CCDC180: variants seen among roughly 807,000 people sequenced by gnomAD.
CCDC180 encodes coiled-coil domain containing 180, also known as coiled-coil domain-containing protein 180.
A neutral mutation model predicts 209.2 loss-of-function variants in CCDC180; 154 were observed. That is an observed-to-expected ratio of 0.74 (90% CI 0.65 to 0.84). The LOEUF (loss-of-function observed/expected upper bound fraction) is 0.84, where lower values mean the gene tolerates loss of function less well. Among genes scored for constraint, CCDC180 ranks in the 40% least tolerant of loss-of-function variants. The pLI is 0.00. For synonymous variants in CCDC180, 778 were observed against 749.1 expected, an observed-to-expected ratio of 1.04 and a Z score of -0.63; for missense variants, 1,874 against 1,997.3, an observed-to-expected ratio of 0.94 and a Z score of 1.18.
In CCDC180 at chr9:97,317,234, T is replaced by G. The variant is rs1216144227; in HGVS notation, c.959+6T>G. 6.4e-7 allele frequency: 1 copy of G among 1,573,790 alleles called. No individual in the cohort carries two copies. Among genetic ancestry groups the G allele is most frequent in the Admixed American group, 1.7e-5 (1 of 57,700 alleles). On this transcript the variant is annotated splice_donor_region_variant and intron_variant, in intron 9 of 36. Coordinates refer to ENST00000529487, the MANE Select transcript of CCDC180 (RefSeq NM_020893.6). ...GCCCTGCTGCAGAGTTTCAGGTCAG[T>G]GCCGCCCACACAGCTCCTTCTCCAG...
chr9:97,314,258 T>C (rs1384583433), intron 5 of CCDC180, 135 bp from the exon 6 acceptor site: 1 of 1,037,858 alleles, frequency 9.6e-7, no homozygotes, highest in Non-Finnish European at 1.4e-6. Context: ...GTAGTGAGCC[T>C]CAACTCGTTA....
In CCDC180 at chr9:97,317,238, G is replaced by C. The variant is rs752462262; in HGVS notation, c.959+10G>C. On this transcript the variant is annotated intron_variant, in intron 9 of 36. Coordinates refer to ENST00000529487, the MANE Select transcript of CCDC180 (RefSeq NM_020893.6). ...TGCTGCAGAGTTTCAGGTCAGTGCC[G>C]CCCACACAGCTCCTTCTCCAGCCCA... 3 of 1,554,442 alleles carry C rather than the reference G, an allele frequency of 1.9e-6. No homozygotes were observed. The highest frequency in any genetic ancestry group is 8.8e-7 in the Non-Finnish European group (1 of 1,140,678).
At position 97,377,101 on chromosome 9, in the gene CCDC180, AG is replaced by A. The variant is rs1400553558; in HGVS notation, c.*211del. ...TTCCCATGAGGAAGGCAAGCATGAAAGGGGAATTCCACGTGGTTAGCAGGGA... is the reference window on the plus strand; with the variant it reads ...TTCCCATGAGGAAGGCAAGCATGAAAGGGAATTCCACGTGGTTAGCAGGGA... On this transcript the variant is annotated 3_prime_UTR_variant, in exon 37 of 37. Transcript: ENST00000529487. 3.2e-5 allele frequency: 14 copies of A among 435,690 alleles called. No individual in the cohort carries two copies. The highest frequency in any genetic ancestry group is 1.5e-4 in the South Asian group (4 of 26,294). The allele number at this position is 435,690 out of a possible 1,614,324, so 27.0% of individuals were successfully genotyped here.
intron 20 of CCDC180, among the ~76,000 whole-genome samples, chr9:97,348,807 C>T (rs1302863025): frequency 6.6e-6 from 1 of 152,182 alleles, no homozygotes; most frequent in East Asian, 1.9e-4. Context: ...TCAGCCCTCC[C>T]CAACACCCCC....
rs1356559866 is a variant in CCDC180 at position 97,325,116 on chromosome 9, G to A, written c.1469G>A (p.Ser490Asn). The A allele has an allele frequency of 6.2e-7, 1 of 1,613,462 alleles. No homozygotes were observed. Among genetic ancestry groups the A allele is most frequent in the Non-Finnish European group, 8.5e-7 (1 of 1,179,846 alleles). ...EVVQLWEAHQ[S>N]ELLVQELELE... The stretch of plus-strand genomic sequence containing the variant: ...GTACAACTGTGGGAGGCACACCAGA[G>A]CGAGCTGTTGGTGCAGGAGCTGGAG... Residue 490 changes from serine to asparagine, a missense_variant, in exon 14 of 37, where the codon AGC becomes AAC. Physicochemically the swap from Ser to Asn is conservative, Grantham distance 46. Coordinates refer to ENST00000529487, the MANE Select transcript of CCDC180 (RefSeq NM_020893.6).
chr9:97,313,324 G>T lies in CCDC180; in HGVS notation c.438G>T (p.Glu146Asp). ...AGAGCGCTCTGGCCAGCTTTCAGGAGGAGATTGCGCAGGTGGGAAAGGTGA... is the reference window on the plus strand; with the variant it reads ...AGAGCGCTCTGGCCAGCTTTCAGGATGAGATTGCGCAGGTGGGAAAGGTGA... ...SYESALASFQ[E>D]EIAQVGKEME... The change falls in exon 5 of 37, where the codon GAG (glutamate) becomes GAT (aspartate). Residue 146 changes from glutamate to aspartate, a missense_variant. Glu to Asp is a conservative substitution (Grantham distance 45). Transcript: ENST00000529487. 6.2e-7 allele frequency: 1 copy of T among 1,611,612 alleles called. No individual in the cohort carries two copies. Among genetic ancestry groups the T allele is most frequent in the Non-Finnish European group, 8.5e-7 (1 of 1,178,274 alleles).
At chr9:97,370,361 C>T (rs545528122) in intron 32 of CCDC180, among the ~76,000 whole-genome samples, 2 of 152,330 alleles carry the variant, frequency 1.3e-5, no homozygotes, top group African/African-American at 4.8e-5. Flanking sequence ...ATTGTCCACA[C>T]TGGTCCTTGG....
At chr9:97,369,861 G>A (rs948206105) in intron 31 of CCDC180, 61 bp from the exon 32 acceptor site, 34 of 1,574,526 alleles carry the variant, frequency 2.2e-5, no homozygotes, top group African/African-American at 6.8e-5. Flanking sequence ...TGTAGAGATC[G>A]CCTCTGCAAG....
At chr9:97,325,283 T>C (rs1833496003) in intron 14 of CCDC180, 91 bp downstream of exon 14, 1 of 1,370,646 alleles carries the variant, frequency 7.3e-7, no homozygotes, top group African/African-American at 1.4e-5. Context: ...CCTTAAGCTA[T>C]GAAATTTGTG....
At chr9:97,357,308 C>A (rs2118849210) in intron 24 of CCDC180, among the ~76,000 whole-genome samples, 1 of 152,282 alleles carries the variant, frequency 6.6e-6, no homozygotes, top group South Asian at 2.1e-4. Context: ...AAGCCACAGT[C>A]CTGGGTCAGA....
rs756850644 is a variant in CCDC180, at chr9:97,360,011, C to T, written c.3393C>T (p.Phe1131=). 33 of 1,613,762 alleles carry T rather than the reference C, an allele frequency of 2.0e-5. No individual in the cohort carries two copies. In the South Asian group the frequency reaches 2.5e-4, roughly 12 times the overall value. ...TTVTTEELLS[F]VQTWKEKLSQ... ...TGACCACAGAAGAACTCCTCAGCTT[C>T]GTCCAAACTTGGAAGGAAAAACTGA... The change falls in exon 26 of 37, where the codon TTC becomes TTT. Residue 1131 remains phenylalanine, a synonymous_variant. Coordinates refer to ENST00000529487, the MANE Select transcript of CCDC180 (RefSeq NM_020893.6).
chr9:97,330,844 C>A, intron 18 of CCDC180, 77 bp downstream of exon 18: 1 of 1,382,768 alleles, frequency 7.2e-7, no homozygotes, highest in Non-Finnish European at 9.8e-7. Context: ...CTAGTGTAAG[C>A]TGGGGTCTTC....
intron 24 of CCDC180, among the ~76,000 whole-genome samples, chr9:97,356,941 A>AT (rs1320178154): frequency 6.6e-6 from 1 of 152,240 alleles, no homozygotes; most frequent in East Asian, 1.9e-4. Context: ...GCTGTTTGCT[A>AT]TTTATACCAG....
intron 33 of CCDC180, 68 bp from the exon 34 acceptor site, chr9:97,371,527 C>A (rs1315808667): frequency 4.2e-6 from 4 of 951,862 alleles, no homozygotes; most frequent in Non-Finnish European, 4.9e-6. Flanking sequence ...TTCACCCATC[C>A]CCTCTTCAGC....
In CCDC180 at chr9:97,330,767, G is replaced by A. The variant is rs768967989; in HGVS notation, c.2274G>A (p.Glu758=). 6.3e-6 allele frequency: 10 copies of A among 1,593,252 alleles called. No individual in the cohort carries two copies. The highest frequency in any genetic ancestry group is 7.6e-6 in the Non-Finnish European group (9 of 1,176,478). ...AGCAAGAGAGTTTATCTGTGGGTGA[G>A]GTAAGCCAGCAACTGATTCATTCTT... ...QEEQESLSVG[E]EEDKEEGLEE... is the part of the protein sequence containing the mutation. The change falls in exon 18 of 37, where the codon GAG becomes GAA. Residue 758 remains glutamate (E), a splice_region_variant and synonymous_variant. Transcript: ENST00000529487.
chr9:97,347,191 A>G (rs1306873476), intron 19 of CCDC180, 123 bp from the exon 20 acceptor site: 5 of 894,618 alleles, frequency 5.6e-6, no homozygotes, highest in African/African-American at 5.0e-5. Context: ...ATGAAATGCA[A>G]TGTAGCTGGG....
intron 22 of CCDC180, among the ~76,000 whole-genome samples, chr9:97,352,791 T>C (rs1826456206): frequency 6.6e-6 from 1 of 152,152 alleles, no homozygotes; most frequent in Non-Finnish European, 1.5e-5. Flanking sequence ...GCATGTCTTG[T>C]ATATTTTAGC....
At chr9:97,362,657 G>A (rs766828988) in intron 28 of CCDC180, among the ~76,000 whole-genome samples, 25 of 150,226 alleles carry the variant, frequency 1.7e-4, no homozygotes, top group Non-Finnish European at 2.6e-4. Context: ...TTCCACACAC[G>A]GTCATGGTTA....
intron 18 of CCDC180, among the ~76,000 whole-genome samples, chr9:97,338,968 C>G (rs1367907618): frequency 6.6e-6 from 1 of 152,150 alleles, no homozygotes; most frequent in Non-Finnish European, 1.5e-5. Flanking sequence ...TTATCAGAGA[C>G]TAGGATTGTA....
Sources: allele counts gnomAD v4.1 joint callset (sites outside exome capture counted in the v4.1 genomes callset), GRCh38; gene constraint gnomAD v4.1.1; transcripts MANE v1.5; gene names NCBI Gene and HGNC (gene_info 2026-07-23, HGNC 2026-07-21).